A2M: variants seen among roughly 807,000 people sequenced by gnomAD.
A2M encodes the protein C3 and PZP-like alpha-2-macroglobulin domain-containing protein 5.
A neutral mutation model predicts 183.9 loss-of-function variants in A2M; 128 were observed. The observed-to-expected ratio is 0.70, with a 90% CI of 0.60 to 0.81. A2M has a LOEUF of 0.81. A2M is among the 30% of genes least tolerant of loss of function. A2M has a pLI of 0.00. For missense variants in A2M, 1,495 were observed against 1,787.6 expected (o/e 0.84, Z 2.95); for synonymous variants, 592 against 670.8 (o/e 0.88, Z 1.81).
chr12:9,070,826 T>A (rs1948550289), intron 31 of A2M, among the ~76,000 whole-genome samples: 1 of 55,766 alleles, frequency 1.8e-5, no homozygotes, highest in African/African-American at 1.2e-4. Flanking sequence ...AGGATCTGCA[T>A]TTTTTTTTTT....
intron 33 of A2M, 137 bp from the exon 34 acceptor site, chr12:9,068,979 G>C: frequency 1.8e-6 from 1 of 553,922 alleles, no homozygotes. Flanking sequence ...ATTAAATTGT[G>C]CAGAAATCTC....
intron 31 of A2M, among the ~76,000 whole-genome samples, chr12:9,070,945 C>T (rs1037341969): frequency 5.9e-5 from 9 of 152,062 alleles, no homozygotes; most frequent in African/African-American, 1.9e-4. Flanking sequence ...CTCAGCCTCC[C>T]GAGTAGCTGG....
At chr12:9,070,638 C>G (rs1195794980) in intron 31 of A2M, 60 bp from the exon 32 acceptor site, 60 of 1,199,618 alleles carry the variant, frequency 5.0e-5, no homozygotes, top group Non-Finnish European at 6.9e-5. Flanking sequence ...TTTTCTTCTT[C>G]TATGTCCATG....
chr12:9,091,013 G>C (rs761547598), intron 19 of A2M, among the ~76,000 whole-genome samples, 188 bp downstream of exon 19: 2 of 152,222 alleles, frequency 1.3e-5, no homozygotes, highest in South Asian at 2.1e-4. Flanking sequence ...ACTTTGAAGG[G>C]TTATAAGGGC....
intron 2 of A2M, among the ~76,000 whole-genome samples, chr12:9,113,110 T>C (rs1333498678): frequency 6.6e-6 from 1 of 151,792 alleles, no homozygotes; most frequent in Non-Finnish European, 1.5e-5. Context: ...ATTTTCTTTT[T>C]TTTTTTTTCC....
At chr12:9,073,541 AC>A (rs1249340019) in intron 29 of A2M, among the ~76,000 whole-genome samples, 1 of 152,244 alleles carries the variant, frequency 6.6e-6, no homozygotes, top group Non-Finnish European at 1.5e-5. Context: ...ATAACCTTTA[AC>A]AAAATTACTT....
At chr12:9,089,809 A>G (rs1186574241) in intron 21 of A2M, 93 bp downstream of exon 21, 6 of 896,588 alleles carry the variant, frequency 6.7e-6, no homozygotes, top group Non-Finnish European at 9.3e-6. Flanking sequence ...AGAGAGATAC[A>G]TGAGAATAAT....
intron 25 of A2M, among the ~76,000 whole-genome samples, chr12:9,078,369 T>C (rs1264969875): frequency 6.6e-6 from 1 of 152,226 alleles, no homozygotes; most frequent in Non-Finnish European, 1.5e-5. Flanking sequence ...AGGACATGAT[T>C]TCATTTCTTT....
chr12:9,089,956 A>G lies in A2M; in HGVS notation c.2664T>C (p.Pro888=), dbSNP rs1046114466. ...CTTTCCTTCCGTGTTCAGGAACTGA[A>G]GGCACCTCAGTCCCACACAGCTCTT... ...ESQELCGTEV[P]SVPEHGRKDT... is the part of the protein sequence containing the mutation. Residue 888 remains proline, a synonymous_variant, in exon 21 of 36, where the codon CCT becomes CCC. Coordinates refer to ENST00000318602, the MANE Select transcript of A2M (RefSeq NM_000014.6). 1.1e-5 allele frequency: 18 copies of G among 1,612,566 alleles called. No individual in the cohort carries two copies. Among genetic ancestry groups the G allele is most frequent in the Admixed American group, 1.7e-5 (1 of 59,972 alleles).
At chr12:9,082,035 T>C (rs780084908) in intron 22 of A2M, among the ~76,000 whole-genome samples, 3 of 152,330 alleles carry the variant, frequency 2.0e-5, no homozygotes, top group Admixed American at 6.5e-5. Flanking sequence ...TCAGAGGTTA[T>C]GCCAGTGACC....
intron 2 of A2M, 186 bp from the exon 3 acceptor site, chr12:9,112,722 A>C: frequency 1.7e-6 from 1 of 602,130 alleles, no homozygotes. Flanking sequence ...ACAGGACACA[A>C]GGTGGAGGAA....
intron 30 of A2M, 57 bp from the exon 31 acceptor site, chr12:9,072,543 C>T (rs534329513): frequency 2.8e-4 from 453 of 1,599,874 alleles, no homozygotes; most frequent in South Asian, 1.6e-3. Flanking sequence ...TTCCTGTCCA[C>T]GTCCCTAACC....
intron 7 of A2M, among the ~76,000 whole-genome samples, chr12:9,108,767 A>G (rs1027380368): frequency 1.7e-4 from 17 of 100,028 alleles, no homozygotes; most frequent in Admixed American, 2.7e-4. Context: ...AATCACGTTC[A>G]GTCTCTTCGT....
chr12:9,072,530 G>A, intron 30 of A2M, 44 bp from the exon 31 acceptor site: 2 of 1,602,644 alleles, frequency 1.2e-6, no homozygotes, highest in Non-Finnish European at 1.7e-6. Flanking sequence ...CCCTTTCCCA[G>A]AATTCCTGTC....
At chr12:9,096,597 CA>C (rs1042065222) in intron 15 of A2M, among the ~76,000 whole-genome samples, 16 of 152,174 alleles carry the variant, frequency 1.1e-4, no homozygotes. Context: ...ATGATGCTTT[CA>C]AGTCCATTTG....
chr12:9,111,917 C>A (rs987802514), intron 4 of A2M: 4 of 626,692 alleles, frequency 6.4e-6, no homozygotes, highest in African/African-American at 5.3e-5. Flanking sequence ...AATTAAGAAC[C>A]ATCCGAAAAG....
intron 31 of A2M, 120 bp from the exon 32 acceptor site, chr12:9,070,698 T>G: frequency 1.5e-6 from 1 of 672,584 alleles, no homozygotes; most frequent in East Asian, 2.8e-5. Context: ...CCCAAATATC[T>G]TATCCCAGTG....
chr12:9,098,454 C>A, intron 15 of A2M, 153 bp downstream of exon 15: 3 of 534,420 alleles, frequency 5.6e-6, no homozygotes, highest in Non-Finnish European at 5.8e-6. Flanking sequence ...ATATATAATT[C>A]CTTACCAATG....
At chr12:9,112,270 A>G in intron 3 of A2M, 59 bp from the exon 4 acceptor site, 1 of 1,609,774 alleles carries the variant, frequency 6.2e-7, no homozygotes, top group Non-Finnish European at 8.5e-7. Context: ...TAGGCTGGTA[A>G]GACAAGCTAT....
Sources: allele counts gnomAD v4.1 joint callset (sites outside exome capture counted in the v4.1 genomes callset), GRCh38; gene constraint gnomAD v4.1.1; transcripts MANE v1.5; gene names NCBI Gene and HGNC (gene_info 2026-07-23, HGNC 2026-07-21).